Variants in UTP18 observed in about 807,000 individuals in gnomAD.
The protein encoded by UTP18 is UTP18 small subunit processome component, also known as U3 small nucleolar RNA-associated protein 18 homolog.
Under a neutral mutation model 61.1 loss-of-function variants are expected in UTP18, and 36 were observed. That is an observed-to-expected ratio of 0.59 (90% confidence interval 0.45 to 0.78). The LOEUF is 0.78. Ranked by LOEUF, UTP18 falls within the 30% of genes least tolerant of loss-of-function variation. The probability of loss-of-function intolerance (pLI) is 0.00; values close to 1 mark genes in which losing one functional copy is unlikely to be tolerated. For missense variants in UTP18, 753 were observed against 693.9 expected, an observed-to-expected ratio of 1.09 and a Z score of -0.96; for synonymous variants, 282 against 251.1, an observed-to-expected ratio of 1.12 and a Z score of -1.16.
At position 51,263,263 on chromosome 17, in the gene UTP18, G is replaced by T. The variant is rs1377423597; in HGVS notation, c.343-11G>T. On this transcript the variant is annotated splice_polypyrimidine_tract_variant and intron_variant, in intron 1 of 13. Transcript: ENST00000225298. ...AAATCTCAGTGCTTGAGGGTGTTTTGTCTGCTGTAGGTTCAAGAACATGAA... is the reference window on the plus strand; with the variant it reads ...AAATCTCAGTGCTTGAGGGTGTTTTTTCTGCTGTAGGTTCAAGAACATGAA... The T allele has an allele frequency of 6.2e-7, 1 of 1,612,282 alleles. No homozygotes were observed. The highest frequency in any genetic ancestry group is 1.3e-5 in the African/African-American group (1 of 74,874).
intron 4 of UTP18, among the ~76,000 whole-genome samples, 177 bp from the exon 5 acceptor site, chr17:51,273,185 A>ATTTTTTTTTTTTTTTTTTTT (rs35339641): frequency 7.0e-6 from 1 of 142,332 alleles, no homozygotes. Context: ...CTCCTTTAAA[A>ATTTTTTTTTTTTTTTTTTTT]TTTTTTTTTT....
intron 1 of UTP18, 80 bp downstream of exon 1, chr17:51,261,006 C>T (rs919114652): frequency 1.1e-5 from 14 of 1,249,952 alleles, no homozygotes; most frequent in Admixed American, 8.5e-5. Flanking sequence ...GGGGCGGAGC[C>T]TGGGCGACCT....
chr17:51,287,940 C>G (rs749474853), intron 10 of UTP18, 89 bp from the exon 11 acceptor site: 1 of 986,360 alleles, frequency 1.0e-6, no homozygotes, highest in Non-Finnish European at 1.4e-6. Flanking sequence ...CTGTAAATAC[C>G]AGTTTGTGGG....
At position 51,293,957 on chromosome 17, in the gene UTP18, A is replaced by T; in HGVS notation, c.1558A>T (p.Asn520Tyr). Residue 520 changes from asparagine to tyrosine, a missense_variant, in exon 12 of 14, where the codon AAT (asparagine) becomes TAT (tyrosine). Physicochemically the swap from Asn to Tyr is moderately radical, Grantham distance 143 (BLOSUM62 -2). Coordinates refer to ENST00000225298, the MANE Select transcript of UTP18 (RefSeq NM_016001.3). ...FSNFPVIKNK[N>Y]ISHVHTMDFS... ...AAACTTCCCAGTCATTAAAAATAAG[A>T]ATATTTCTCATGTTCATACCATGGA... 1 of 1,607,066 alleles carries T rather than the reference A, an allele frequency of 6.2e-7. No individual in the cohort carries two copies. The highest frequency in any genetic ancestry group is 1.1e-5 in the South Asian group (1 of 89,718).
In UTP18 at chr17:51,285,367, G is replaced by A; in HGVS notation, c.1327G>A (p.Gly443Ser). The change falls in exon 10 of 14, where the codon GGT (glycine) becomes AGT (serine). Residue 443 changes from glycine to serine, a missense_variant and splice_region_variant. Physicochemically the swap from Gly to Ser is moderately conservative, Grantham distance 56. Coordinates refer to ENST00000225298, the MANE Select transcript of UTP18 (RefSeq NM_016001.3). ...TSRNGQYVAC[G>S]SNCGVVNIYN... ...TAGGAATGGACAGTATGTTGCTTGT[G>A]GGTAAGTAAAGAGAGGTTCTTGTAA... 6.2e-7 allele frequency: 1 copy of A among 1,612,330 alleles called. No homozygotes were observed. The highest frequency in any genetic ancestry group is 1.3e-5 in the African/African-American group (1 of 75,008).
chr17:51,288,188 A>G lies in UTP18; in HGVS notation c.1488A>G (p.Lys496=), dbSNP rs751990008. 12 of 1,586,776 alleles carry G rather than the reference A, an allele frequency of 7.6e-6. No individual in the cohort carries two copies. Among genetic ancestry groups the G allele is most frequent in the African/African-American group, 1.4e-5 (1 of 73,150 alleles). Residue 496 remains lysine (K), a synonymous_variant, in exon 11 of 14, where the codon AAA becomes AAG. Transcript: ENST00000225298. ...EILAIASEKM[K]EAVRLVHLPS... The stretch of plus-strand genomic sequence containing the variant: ...TGGCAATTGCTTCAGAAAAAATGAA[A>G]GAAGCAGTCAGATTGGTAAATATTT...
At chr17:51,286,875 G>A (rs543798574) in intron 10 of UTP18, among the ~76,000 whole-genome samples, 1 of 151,778 alleles carries the variant, frequency 6.6e-6, no homozygotes, top group Non-Finnish European at 1.5e-5. Flanking sequence ...TGTGCATAAC[G>A]TGCAGGTTTG....
intron 3 of UTP18, among the ~76,000 whole-genome samples, chr17:51,267,980 G>T (rs1904354609): frequency 6.6e-6 from 1 of 150,550 alleles, no homozygotes; most frequent in South Asian, 2.1e-4. Flanking sequence ...CCTCTTCCAG[G>T]TACCAGTTGT....
Position 51,260,606 on chromosome 17 carries a change from C to T in UTP18, c.22C>T (p.Arg8Ter), listed in dbSNP as rs752421820. 3.8e-5 allele frequency: 61 copies of T among 1,612,376 alleles called. No homozygotes were observed. The highest frequency in any genetic ancestry group is 5.0e-5 in the Non-Finnish European group (59 of 1,179,644). ...AACGATGCCGCCGGAGCGGAGGAGA[C>T]GAATGAAACTGGACCGGAGAACCGG... MPPERRRRMKLDRRTGAK... is the reference protein window; with the variant it reads MPPERRR The change falls in exon 1 of 14, where the codon CGA becomes TGA. Residue 8 changes from arginine (R) to a stop codon, truncating the protein, a stop_gained. Coordinates refer to ENST00000225298, the MANE Select transcript of UTP18 (RefSeq NM_016001.3). LOFTEE classifies it high-confidence loss of function.
chr17:51,292,044 C>A (rs933264979), intron 11 of UTP18, among the ~76,000 whole-genome samples: 2 of 152,146 alleles, frequency 1.3e-5, no homozygotes, highest in Admixed American at 6.5e-5. Flanking sequence ...TACAAACTTA[C>A]AATAACCCAA....
At chr17:51,288,280 A>G in intron 11 of UTP18, 77 bp downstream of exon 11, 1 of 1,347,956 alleles carries the variant, frequency 7.4e-7, no homozygotes, top group Admixed American at 2.7e-5. Context: ...ACAGGAAAGG[A>G]GAGCGTTGAA....
intron 5 of UTP18, among the ~76,000 whole-genome samples, chr17:51,273,798 G>A (rs1164576190): frequency 7.1e-6 from 1 of 140,158 alleles, no homozygotes; most frequent in Non-Finnish European, 1.6e-5. Context: ...TAGGAATCCC[G>A]TTTGGTTTAT....
Position 51,260,913 on chromosome 17 carries a change from T to G in UTP18, c.329T>G (p.Leu110Arg), listed in dbSNP as rs1276841227. The part of the protein sequence containing the change: ...ENDEDALLRR[L>R]RGPRVQEHED... ...GACGAGGACGCGTTGCTGCGGCGTC[T>G]GCGAGGCCCGAGGGTGAGGGAGGCC... is the stretch of plus-strand genomic sequence containing the variant. Residue 110 changes from leucine to arginine, a missense_variant, in exon 1 of 14, where the codon CTG becomes CGG. Physicochemically the swap from Leu to Arg is moderately radical, Grantham distance 102. Coordinates refer to ENST00000225298, the MANE Select transcript of UTP18 (RefSeq NM_016001.3). The G allele has an allele frequency of 6.3e-7, 1 of 1,586,502 alleles. No individual in the cohort carries two copies. The highest frequency in any genetic ancestry group is 8.6e-7 in the Non-Finnish European group (1 of 1,168,326).
chr17:51,265,076 A>G (rs915178335), intron 2 of UTP18, among the ~76,000 whole-genome samples: 14 of 152,146 alleles, frequency 9.2e-5, no homozygotes, highest in African/African-American at 3.1e-4. Context: ...TGAGAATTTC[A>G]AACCTTTATA....
intron 2 of UTP18, among the ~76,000 whole-genome samples, chr17:51,265,765 C>T (rs1460845024): frequency 6.6e-6 from 1 of 150,718 alleles, no homozygotes; most frequent in Admixed American, 6.6e-5. Context: ...TGTTTCACCA[C>T]GTTGGCCAAG....
At chr17:51,286,828 A>T (rs4794221) in intron 10 of UTP18, among the ~76,000 whole-genome samples, 96,844 of 152,040 alleles carry the variant, frequency 0.64, 31,505 homozygotes, top group African/African-American at 0.78. Context: ...AGTAGTTTTT[A>T]AATTTTTTTT....
chr17:51,280,428 G>A lies in UTP18; in HGVS notation c.1153G>A (p.Val385Ile), dbSNP rs926285495. 95 of 1,614,016 alleles carry A rather than the reference G, an allele frequency of 5.9e-5. No individual in the cohort carries two copies. The highest frequency in any genetic ancestry group is 7.7e-5 in the Non-Finnish European group (91 of 1,180,032). The change falls in exon 9 of 14, where the codon GTT becomes ATT. Residue 385 changes from valine to isoleucine, a missense_variant. Val to Ile is a conservative substitution (Grantham distance 29). Transcript: ENST00000225298. ...LIGSMKINGR[V>I]AASTFSSDSK... The stretch of plus-strand genomic sequence containing the variant: ...TGGAAGCATGAAAATTAATGGAAGG[G>A]TTGCAGCATCCACATTCTCTTCAGA...
rs970599418 is a variant in UTP18 at position 51,276,074 on chromosome 17, T to C, written c.837+83T>C. On this transcript the variant is annotated intron_variant, in intron 6 of 13. Coordinates refer to ENST00000225298, the MANE Select transcript of UTP18 (RefSeq NM_016001.3). ...ACATTTGCAACCCCAAATGCAAAAA[T>C]ACTGAAAAAGATATTCATAGCTAAA... is the stretch of plus-strand genomic sequence containing the variant. 11 of 1,360,974 alleles carry C rather than the reference T, an allele frequency of 8.1e-6. No individual in the cohort carries two copies. In the African/African-American group the frequency reaches 1.4e-4, roughly 17 times the overall value. 84.3% of individuals were successfully genotyped at this position (1,360,974 alleles called of 1,614,324 possible).
intron 1 of UTP18, among the ~76,000 whole-genome samples, chr17:51,263,040 G>A (rs1295594249): frequency 1.3e-5 from 2 of 152,136 alleles, no homozygotes; most frequent in African/African-American, 4.8e-5. Context: ...GTTGAGTGTT[G>A]ACTTTTTCTC....
Sources: allele counts gnomAD v4.1 joint callset (sites outside exome capture counted in the v4.1 genomes callset), GRCh38; gene constraint gnomAD v4.1.1; transcripts MANE v1.5; gene names NCBI Gene and HGNC (gene_info 2026-07-23, HGNC 2026-07-21).